ACSBG2: variants seen among roughly 807,000 people sequenced by gnomAD.
ACSBG2 encodes the protein acyl-CoA synthetase bubblegum family member 2, also known as long-chain-fatty-acid--CoA ligase ACSBG2.
Under a neutral mutation model 74.7 loss-of-function variants are expected in ACSBG2, and 62 were observed. The ratio of observed to expected loss-of-function variants is 0.83; its 90% CI spans 0.68 to 1.03. The LOEUF (loss-of-function observed/expected upper bound fraction) is 1.03, where lower values mean the gene tolerates loss of function less well. Ranked by LOEUF, ACSBG2 falls within the 50% of genes least tolerant of loss-of-function variation. The pLI is 0.00. For missense variants in ACSBG2, 730 were observed against 817.6 expected (o/e 0.89, Z 1.31); for synonymous variants, 309 against 294.1 (o/e 1.05, Z -0.52).
rs1232003838 is a variant in ACSBG2 at position 6,151,710 on chromosome 19, G to T, written c.301G>T (p.Gly101Cys). ...CTGTTTGCTTTTTCCTTCCCAGCTG[G>T]GTTTGGAGCGTTTCCACGGAGTTGG... ...RKAAKSLIKL[G>C]LERFHGVGIL... Residue 101 changes from glycine (G) to cysteine (C), a missense_variant, in exon 4 of 15, where the codon GGT becomes TGT. Transcript: ENST00000588485. The T allele has an allele frequency of 6.3e-7, 1 of 1,596,144 alleles. No individual in the cohort carries two copies. The highest frequency in any genetic ancestry group is 1.1e-5 in the South Asian group (1 of 88,052).
At chr19:6,179,579 A>G (rs80031577) in intron 8 of ACSBG2, among the ~76,000 whole-genome samples, 7,220 of 152,236 alleles carry the variant, frequency 0.047, 258 homozygotes, top group African/African-American at 0.1. Context: ...TAATGCCACA[A>G]CAAATGAACA....
chr19:6,136,722 T>G (rs986758174), intron 1 of ACSBG2, among the ~76,000 whole-genome samples: 1 of 151,978 alleles, frequency 6.6e-6, no homozygotes, highest in African/African-American at 2.4e-5. Context: ...ACAAAGCATA[T>G]CTGTACGATT....
At chr19:6,175,045 C>T (rs1464226279) in intron 7 of ACSBG2, among the ~76,000 whole-genome samples, 1 of 152,166 alleles carries the variant, frequency 6.6e-6, no homozygotes, top group Non-Finnish European at 1.5e-5. Flanking sequence ...AAGGGAAGCT[C>T]TGAACTGAGA....
At chr19:6,155,465 T>C (rs1400582072) in intron 4 of ACSBG2, among the ~76,000 whole-genome samples, 1 of 152,012 alleles carries the variant, frequency 6.6e-6, no homozygotes, top group Non-Finnish European at 1.5e-5. Context: ...TTATTAGCAT[T>C]AAAAACTTCT....
intron 6 of ACSBG2, among the ~76,000 whole-genome samples, chr19:6,162,333 G>A (rs1452040014): frequency 4.0e-5 from 6 of 148,934 alleles, no homozygotes; most frequent in Non-Finnish European, 8.9e-5. Context: ...TTGGGAGGCC[G>A]AGGCAGGCGG....
chr19:6,154,780 G>T (rs1343417612), intron 4 of ACSBG2, among the ~76,000 whole-genome samples: 1 of 152,048 alleles, frequency 6.6e-6, no homozygotes, highest in East Asian at 1.9e-4. Flanking sequence ...CCAAAGTGCT[G>T]GGATTACAGG....
intron 7 of ACSBG2, among the ~76,000 whole-genome samples, chr19:6,173,011 G>A (rs761646359): frequency 3.9e-4 from 60 of 152,138 alleles, no homozygotes; most frequent in Non-Finnish European, 7.6e-4. Context: ...GCAGTGTGGG[G>A]TGGGAGGGCA....
rs375976681 is a variant in ACSBG2, at chr19:6,188,738, G to T, written c.1927+893G>T. 2.6e-5 allele frequency among the ~76,000 whole-genome samples: 4 copies of T among 152,144 alleles called. No homozygotes were observed. In the East Asian group the frequency reaches 7.7e-4, roughly 29 times the overall value. On this transcript the variant is annotated intron_variant, in intron 13 of 14. Transcript: ENST00000588485. ...ATCTCTCTTTGAGGAATTCTGGGCT[G>T]GGGTTTTAAGGGGATCTTTGGGGGT...
chr19:6,162,121 C>T (rs777923489), intron 6 of ACSBG2, among the ~76,000 whole-genome samples: 1 of 151,348 alleles, frequency 6.6e-6, no homozygotes, highest in African/African-American at 2.4e-5. Context: ...CAAAAATTAG[C>T]TGGGCATGGT....
At chr19:6,160,889 C>T (rs559805302) in intron 5 of ACSBG2, 4 of 181,548 alleles carry the variant, frequency 2.2e-5, no homozygotes, top group Non-Finnish European at 4.6e-5. Flanking sequence ...CACCTGGGGT[C>T]AGGAGTTCGA....
At chr19:6,182,640 C>A in intron 8 of ACSBG2, 111 bp from the exon 9 acceptor site, 1 of 1,061,874 alleles carries the variant, frequency 9.4e-7, no homozygotes, top group Non-Finnish European at 1.4e-6. Context: ...CCTGCGTAAT[C>A]TGATCAGTGA....
At chr19:6,148,942 A>T (rs2089139398) in intron 3 of ACSBG2, among the ~76,000 whole-genome samples, 1 of 152,046 alleles carries the variant, frequency 6.6e-6, no homozygotes, top group Non-Finnish European at 1.5e-5. Context: ...CCCCATCTAC[A>T]CTAAAAATAC....
chr19:6,141,554 C>A lies in ACSBG2; in HGVS notation c.11C>A (p.Thr4Asn). 1 of 1,611,146 alleles carries A rather than the reference C, an allele frequency of 6.2e-7. No individual in the cohort carries two copies. Among genetic ancestry groups the A allele is most frequent in the South Asian group, 1.1e-5 (1 of 91,020 alleles). The change falls in exon 2 of 15, where the codon ACC becomes AAC. Residue 4 changes from threonine (T) to asparagine (N), a missense_variant. Physicochemically the swap from Thr to Asn is moderately conservative, Grantham distance 65. Coordinates refer to ENST00000588485, the MANE Select transcript of ACSBG2 (RefSeq NM_030924.5). ...TTCTGCACACCTGGAATGACTGGAACCCCAAAGACTCAAGAAGGAGCTAAA... is the reference window on the plus strand; with the variant it reads ...TTCTGCACACCTGGAATGACTGGAAACCCAAAGACTCAAGAAGGAGCTAAA... MTG[T>N]PKTQEGAKDL...
intron 7 of ACSBG2, among the ~76,000 whole-genome samples, chr19:6,167,984 C>CCCCCCCA (rs2089859302): frequency 6.8e-6 from 1 of 147,072 alleles, no homozygotes; most frequent in African/African-American, 2.6e-5. Flanking sequence ...CTCACCCCCA[C>CCCCCCCA]CCCCAGTCTA....
chr19:6,173,613 C>T (rs931501067), intron 7 of ACSBG2, among the ~76,000 whole-genome samples: 9 of 152,114 alleles, frequency 5.9e-5, no homozygotes, highest in Non-Finnish European at 1.0e-4. Context: ...TTTCCTACGC[C>T]GCAGCTTCTT....
At chr19:6,172,448 C>T (rs112095212) in intron 7 of ACSBG2, among the ~76,000 whole-genome samples, 10,952 of 151,842 alleles carry the variant, frequency 0.072, 721 homozygotes, top group African/African-American at 0.18. Flanking sequence ...CTTTTGGGGG[C>T]CAAAGGTCTG....
At chr19:6,156,321 C>A in intron 4 of ACSBG2, 110 bp from the exon 5 acceptor site, 3 of 1,242,142 alleles carry the variant, frequency 2.4e-6, no homozygotes, top group South Asian at 1.7e-5. Context: ...GGTGCTGTGG[C>A]TGCAAACTTA....
chr19:6,154,072 G>A (rs966568907), intron 4 of ACSBG2, among the ~76,000 whole-genome samples: 1 of 151,650 alleles, frequency 6.6e-6, no homozygotes, highest in African/African-American at 2.4e-5. Context: ...ATTTTTATGA[G>A]CATATACTAC....
At chr19:6,149,510 T>C (rs1415673279) in intron 3 of ACSBG2, among the ~76,000 whole-genome samples, 4 of 145,988 alleles carry the variant, frequency 2.7e-5, no homozygotes, top group African/African-American at 9.9e-5. Context: ...GCAACTTTTT[T>C]TTTTTTTTTT....
Sources: allele counts gnomAD v4.1 joint callset (sites outside exome capture counted in the v4.1 genomes callset), GRCh38; gene constraint gnomAD v4.1.1; transcripts MANE v1.5; gene names NCBI Gene and HGNC (gene_info 2026-07-23, HGNC 2026-07-21).